KLF8: variants seen among roughly 807,000 people sequenced by gnomAD.
KLF8 encodes the protein KLF transcription factor 8.
In KLF8, 10 loss-of-function variants were observed where a neutral mutation model predicts 18.2. The ratio of observed to expected loss-of-function variants is 0.55; its 90% CI spans 0.34 to 0.93. The LOEUF is 0.93. Among genes scored for constraint, KLF8 ranks in the 40% least tolerant of loss-of-function variants. KLF8 has a pLI of 0.02. For synonymous variants in KLF8, 109 were observed against 97.3 expected, an observed-to-expected ratio of 1.12 and a Z score of -0.71; for missense variants, 264 against 277.9, an observed-to-expected ratio of 0.95 and a Z score of 0.36.
the KLF8 span, among the ~76,000 whole-genome samples, chrX:56,212,103 T>A: frequency 9.0e-6 from 1 of 111,422 alleles, no homozygotes; most frequent in Admixed American, 9.6e-5. Flanking sequence ...TGTCTACAAA[T>A]GTTGTCTGGG....
the KLF8 span, among the ~76,000 whole-genome samples, chrX:56,124,793 C>G: frequency 1.8e-5 from 2 of 112,008 alleles, no homozygotes; most frequent in South Asian, 7.4e-4. Context: ...GTCACTGTGA[C>G]CTTTTGGTGT....
the KLF8 span, among the ~76,000 whole-genome samples, chrX:56,051,554 C>A: frequency 2.6e-4 from 29 of 110,700 alleles, no homozygotes; most frequent in Admixed American, 5.8e-4. Flanking sequence ...ATATGAAATT[C>A]TGGGTTGAAA....
At chrX:56,135,629 A>T in the KLF8 span, among the ~76,000 whole-genome samples, 61 of 110,000 alleles carry the variant, frequency 5.5e-4, no homozygotes, top group African/African-American at 1.9e-3. Flanking sequence ...GCAGCACACC[A>T]GCCTGGCCCA....
At chrX:55,932,062 G>A in the KLF8 span, among the ~76,000 whole-genome samples, 1 of 111,032 alleles carries the variant, frequency 9.0e-6, no homozygotes, top group South Asian at 3.9e-4. Flanking sequence ...TGTATTGGGT[G>A]TATATATATG....
chrX:56,248,784 C>T (rs1022064328), intron 1 of KLF8, among the ~76,000 whole-genome samples: 2 of 111,601 alleles, frequency 1.8e-5, no homozygotes, highest in African/African-American at 6.5e-5. Flanking sequence ...AGCTTAGCTA[C>T]CCTCTCTACC....
At chrX:56,062,264 TC>T in the KLF8 span, among the ~76,000 whole-genome samples, 9 of 111,285 alleles carry the variant, frequency 8.1e-5, no homozygotes, top group Non-Finnish European at 1.5e-4. Context: ...GTGTCAATGG[TC>T]TTTACAATTT....
the KLF8 span, among the ~76,000 whole-genome samples, chrX:56,120,542 G>A: frequency 2.3e-4 from 26 of 111,265 alleles, no homozygotes; most frequent in African/African-American, 8.5e-4. Flanking sequence ...AGCCTGAATG[G>A]CTTTACCCCA....
chrX:56,190,300 A>G, the KLF8 span, among the ~76,000 whole-genome samples: 1 of 111,098 alleles, frequency 9.0e-6, no homozygotes, highest in Non-Finnish European at 1.9e-5. Context: ...TAAATATATG[A>G]GTCCAACACT....
the KLF8 span, chrX:55,961,074 TA>T: frequency 9.9e-3 from 1,398 of 141,249 alleles, 13 homozygotes; most frequent in African/African-American, 0.042. Flanking sequence ...AACCAACGAT[TA>T]AAAAAAAAGA....
chrX:55,993,146 G>A, the KLF8 span, among the ~76,000 whole-genome samples: 1 of 111,250 alleles, frequency 9.0e-6, no homozygotes, highest in Non-Finnish European at 1.9e-5. Flanking sequence ...TTGAATAGGA[G>A]TTATGAGAGT....
intron 1 of KLF8, among the ~76,000 whole-genome samples, chrX:56,248,343 G>A (rs1244285985): frequency 9.0e-6 from 1 of 111,047 alleles, no homozygotes; most frequent in Non-Finnish European, 1.9e-5. Flanking sequence ...GTGGGTCATC[G>A]TTGACTGAAA....
At chrX:55,937,042 G>A in the KLF8 span, among the ~76,000 whole-genome samples, 2 of 111,480 alleles carry the variant, frequency 1.8e-5, no homozygotes, top group East Asian at 5.7e-4. Context: ...CTCCCAGCAT[G>A]CAGCTTGAGC....
chrX:56,221,600 G>C, the KLF8 span, among the ~76,000 whole-genome samples: 3 of 110,938 alleles, frequency 2.7e-5, no homozygotes, highest in Non-Finnish European at 5.7e-5. Flanking sequence ...TCACGGTCTC[G>C]CTGGCCCAGG....
upstream of KLF8, among the ~76,000 whole-genome samples, chrX:56,231,084 G>A (rs190811383): frequency 7.1e-4 from 79 of 111,945 alleles, no homozygotes; most frequent in Non-Finnish European, 1.1e-3. Flanking sequence ...AATTCCCAGG[G>A]ATTTGTAATC....
At chrX:56,221,813 A>C in the KLF8 span, among the ~76,000 whole-genome samples, 1 of 111,729 alleles carries the variant, frequency 9.0e-6, no homozygotes, top group African/African-American at 3.3e-5. Context: ...CAAAAGAACA[A>C]ACCTTCCACA....
the KLF8 span, among the ~76,000 whole-genome samples, chrX:56,171,441 G>A: frequency 9.0e-6 from 1 of 111,466 alleles, no homozygotes; most frequent in East Asian, 2.8e-4. Context: ...TGTTACATAT[G>A]TAAACATGTG....
At chrX:56,185,151 A>G in the KLF8 span, among the ~76,000 whole-genome samples, 6 of 112,444 alleles carry the variant, frequency 5.3e-5, no homozygotes, top group Admixed American at 5.7e-4. Flanking sequence ...ATGTATAACT[A>G]GAAAAATCAA....
intron 2 of KLF8, among the ~76,000 whole-genome samples, chrX:56,254,013 C>A (rs1319098471): frequency 5.5e-5 from 6 of 108,378 alleles, no homozygotes; most frequent in African/African-American, 1.7e-4. Context: ...GATCCACCCA[C>A]CTCTTTGTGT....
the KLF8 span, among the ~76,000 whole-genome samples, chrX:56,147,194 G>A: frequency 1.8e-5 from 2 of 112,354 alleles, no homozygotes; most frequent in Non-Finnish European, 3.8e-5. Context: ...CATAGGGCAG[G>A]ATTTGAAGAG....
Sources: allele counts gnomAD v4.1 joint callset (sites outside exome capture counted in the v4.1 genomes callset), GRCh38; gene constraint gnomAD v4.1.1; transcripts MANE v1.5; gene names NCBI Gene and HGNC (gene_info 2026-07-23, HGNC 2026-07-21).